Variants in RUSF1 observed in about 807,000 individuals in gnomAD.
The protein encoded by RUSF1 is RUS family member 1.
A neutral mutation model predicts 63.0 loss-of-function variants in RUSF1; 58 were observed. The ratio of observed to expected loss-of-function variants is 0.92; its 90% CI spans 0.75 to 1.15. RUSF1 has a LOEUF of 1.15. RUSF1 is among the 50% of genes most tolerant of loss of function. The probability of loss-of-function intolerance (pLI) is 0.00; values close to 1 mark genes in which losing one functional copy is unlikely to be tolerated. For missense variants in RUSF1, 652 were observed against 611.0 expected, an observed-to-expected ratio of 1.07 and a Z score of -0.71; for synonymous variants, 274 against 255.8, an observed-to-expected ratio of 1.07 and a Z score of -0.68.
intron 10 of RUSF1, 21 bp downstream of exon 10, chr16:31,492,957 G>C (rs747414450): frequency 6.3e-7 from 1 of 1,598,602 alleles, no homozygotes; most frequent in Non-Finnish European, 8.5e-7. Context: ...GTCTTAGGCT[G>C]GGAGAATGAG....
At position 31,496,842 on chromosome 16, in the gene RUSF1, C is replaced by A. The variant is rs766480376; in HGVS notation, c.702+7G>T. On this transcript the variant is annotated splice_region_variant and intron_variant, in intron 6 of 12. Transcript: ENST00000327237. Reference sequence around the variant, plus strand: ...CTCCACGCCCTCCCTCCAGCTCTGGCACTCACCTGGCTGCTGTCCTTGGCT... The same window carrying A: ...CTCCACGCCCTCCCTCCAGCTCTGGAACTCACCTGGCTGCTGTCCTTGGCT... The A allele has an allele frequency of 6.9e-5, 109 of 1,574,470 alleles. No homozygotes were observed. Among genetic ancestry groups the A allele is most frequent in the Admixed American group, 1.1e-4 (6 of 54,694 alleles).
chr16:31,508,335 G>T lies in RUSF1; in HGVS notation c.39C>A (p.Ser13=). ...GTGCCTCCCCGGAGCCGAACTGCTC[G>T]GAACACAGCGGGGTCTCCAAACCCG... ...DDAGLETPLC[S]EQFGSGEARG... Residue 13 remains serine, a synonymous_variant, in exon 1 of 13, where the codon TCC becomes TCA. Coordinates refer to ENST00000327237, the MANE Select transcript of RUSF1 (RefSeq NM_022744.4). 2 of 1,564,492 alleles carry T rather than the reference G, an allele frequency of 1.3e-6. No individual in the cohort carries two copies.
At chr16:31,495,724 T>C (rs895768758) in intron 6 of RUSF1, among the ~76,000 whole-genome samples, 2 of 151,974 alleles carry the variant, frequency 1.3e-5, no homozygotes, top group African/African-American at 4.8e-5. Context: ...CCGAGCATCC[T>C]GAGAGAAGGG....
Position 31,500,749 on chromosome 16 carries a change from C to T in RUSF1, c.416-18G>A, listed in dbSNP as rs888938389. The T allele has an allele frequency of 1.9e-6, 3 of 1,611,656 alleles. No individual in the cohort carries two copies. The highest frequency in any genetic ancestry group is 1.7e-5 in the Admixed American group (1 of 59,836). On this transcript the variant is annotated intron_variant, in intron 2 of 12. Transcript: ENST00000327237. The stretch of plus-strand genomic sequence containing the variant: ...AGTTGAATCTGGGGGAAAGAAGGCA[C>T]AGGTAAGGAGCAAGGAAGAGGTGTG...
intron 3 of RUSF1, 114 bp from the exon 4 acceptor site, chr16:31,499,639 C>T: frequency 1.0e-6 from 1 of 977,802 alleles, no homozygotes. Flanking sequence ...AAACCCACAC[C>T]CCCAGACAGA....
intron 12 of RUSF1, 70 bp downstream of exon 12, chr16:31,491,939 A>C (rs2082571517): frequency 1.3e-6 from 2 of 1,483,322 alleles, no homozygotes; most frequent in Non-Finnish European, 1.9e-6. Context: ...AAAGGGTGGG[A>C]GTGGGGGAAG....
At position 31,508,380 on chromosome 16, in the gene RUSF1, CT is replaced by C; in HGVS notation, c.-8del. On this transcript the variant is annotated 5_prime_UTR_variant, in exon 1 of 13. Coordinates refer to ENST00000327237, the MANE Select transcript of RUSF1 (RefSeq NM_022744.4). Reference sequence around the variant, plus strand: ...AACCCGCGTCGTCAGCCATGCCGAGCTTTTGGATCCCAGCCCCGCCCCTGCC... The same window carrying C: ...AACCCGCGTCGTCAGCCATGCCGAGCTTTGGATCCCAGCCCCGCCCCTGCC... The C allele has an allele frequency of 1.3e-6, 2 of 1,488,690 alleles. No homozygotes were observed. The highest frequency in any genetic ancestry group is 2.7e-5 in the Admixed American group (1 of 37,566). The allele number at this position is 1,488,690 out of a possible 1,614,324, so 92.2% of individuals were successfully genotyped here.
rs1869029033 is a variant in RUSF1, at chr16:31,490,732, G to A, written c.*103C>T. On this transcript the variant is annotated 3_prime_UTR_variant, in exon 13 of 13. Transcript: ENST00000327237. ...ATGAGGGCCTGGCCCACCCGCTGCAGTTGCCCTAAGGAAAAATAAAGCTGC... is the reference window on the plus strand; with the variant it reads ...ATGAGGGCCTGGCCCACCCGCTGCAATTGCCCTAAGGAAAAATAAAGCTGC... 1 of 1,361,264 alleles carries A rather than the reference G, an allele frequency of 7.3e-7. No homozygotes were observed. The highest frequency in any genetic ancestry group is 1.0e-6 in the Non-Finnish European group (1 of 958,344). The allele number at this position is 1,361,264 out of a possible 1,614,324, so 84.3% of individuals were successfully genotyped here.
intron 9 of RUSF1, 68 bp downstream of exon 9, chr16:31,493,399 A>T: frequency 6.6e-7 from 1 of 1,525,074 alleles, no homozygotes; most frequent in Admixed American, 2.0e-5. Flanking sequence ...CAGGGAGGCC[A>T]GTGTGTAATC....
At chr16:31,505,232 C>T (rs1471834679) in intron 2 of RUSF1, among the ~76,000 whole-genome samples, 2 of 152,156 alleles carry the variant, frequency 1.3e-5, no homozygotes, top group African/African-American at 2.4e-5. Context: ...CGTGCACATC[C>T]GGGCACAGTA....
rs377198189 is a variant in RUSF1 at position 31,490,812 on chromosome 16, G to A, written c.*23C>T. The A allele has an allele frequency of 6.2e-7, 1 of 1,612,750 alleles. No individual in the cohort carries two copies. The highest frequency in any genetic ancestry group is 8.5e-7 in the Non-Finnish European group (1 of 1,178,816). ...TCCTTGCTCCAGGTTCCTGCCCTGG[G>A]CTTGGGCCTCCGTCTGGGCTGCTCA... On this transcript the variant is annotated 3_prime_UTR_variant, in exon 13 of 13. Transcript: ENST00000327237.
At chr16:31,496,516 A>G (rs1393522312) in intron 6 of RUSF1, among the ~76,000 whole-genome samples, 2 of 152,172 alleles carry the variant, frequency 1.3e-5, no homozygotes, top group Non-Finnish European at 2.9e-5. Flanking sequence ...CCAGCCAGTG[A>G]CCCAGCAACC....
intron 10 of RUSF1, 113 bp from the exon 11 acceptor site, chr16:31,492,453 G>T: frequency 8.1e-7 from 1 of 1,232,182 alleles, no homozygotes; most frequent in Non-Finnish European, 1.1e-6. Context: ...GGCACGGAAG[G>T]CTAGCACCTC....
Position 31,508,121 on chromosome 16 carries a change from T to C in RUSF1, c.253A>G (p.Ser85Gly). ...AVFLPQGFPDSVSPDYLPYQL... is the reference protein window; with the variant it reads ...AVFLPQGFPDGVSPDYLPYQL... ...TAGGGCAAGTAGTCCGGGCTGACGC[T>C]ATCAGGGAAGCCCTGAGGCAGGAAC... Residue 85 changes from serine (S) to glycine (G), a missense_variant, in exon 1 of 13, where the codon AGC (serine) becomes GGC (glycine). Ser to Gly is a moderately conservative substitution (Grantham distance 56). Coordinates refer to ENST00000327237, the MANE Select transcript of RUSF1 (RefSeq NM_022744.4). 6.2e-7 allele frequency: 1 copy of C among 1,603,380 alleles called. No individual in the cohort carries two copies. Among genetic ancestry groups the C allele is most frequent in the Non-Finnish European group, 8.5e-7 (1 of 1,175,550 alleles).
intron 2 of RUSF1, among the ~76,000 whole-genome samples, chr16:31,507,272 G>C (rs1283117971): frequency 6.6e-6 from 1 of 152,096 alleles, no homozygotes; most frequent in Non-Finnish European, 1.5e-5. Context: ...TTTTTTAAAA[G>C]CTGTACATAT....
At chr16:31,499,621 G>C in intron 3 of RUSF1, 96 bp from the exon 4 acceptor site, 1 of 1,238,396 alleles carries the variant, frequency 8.1e-7, no homozygotes, top group Non-Finnish European at 1.1e-6. Context: ...AGTCTGAAGA[G>C]CTCAGGAAAA....
intron 5 of RUSF1, among the ~76,000 whole-genome samples, chr16:31,498,649 C>T (rs937733054): frequency 6.6e-6 from 1 of 152,190 alleles, no homozygotes; most frequent in Non-Finnish European, 1.5e-5. Context: ...AACAGCTTGG[C>T]GTGGAGGAAG....
At position 31,500,732 on chromosome 16, in the gene RUSF1, C is replaced by A; in HGVS notation, c.416-1G>T. ...ATGCGGCCCAGCATGCCAGTTGAAT[C>A]TGGGGGAAAGAAGGCACAGGTAAGG... On this transcript the variant is annotated splice_acceptor_variant, in intron 2 of 12. Coordinates refer to ENST00000327237, the MANE Select transcript of RUSF1 (RefSeq NM_022744.4). LOFTEE classifies it high-confidence loss of function. 17 of 1,612,330 alleles carry A rather than the reference C, an allele frequency of 1.1e-5. No individual in the cohort carries two copies. Among genetic ancestry groups the A allele is most frequent in the Non-Finnish European group, 1.4e-5 (17 of 1,178,752 alleles).
Position 31,490,382 on chromosome 16 carries a change from G to A in RUSF1, c.*453C>T, listed in dbSNP as rs972178516. The stretch of plus-strand genomic sequence containing the variant: ...TTTGTGGAATGAGCAGAGGTGGGGT[G>A]GGCAGTCCTCCGCCCCTTACCCAGG... On this transcript the variant is annotated 3_prime_UTR_variant, in exon 13 of 13. Coordinates refer to ENST00000327237, the MANE Select transcript of RUSF1 (RefSeq NM_022744.4). 6.2e-6 allele frequency: 10 copies of A among 1,613,218 alleles called. No individual in the cohort carries two copies. Among genetic ancestry groups the A allele is most frequent in the Non-Finnish European group, 6.8e-6 (8 of 1,179,724 alleles).
Sources: allele counts gnomAD v4.1 joint callset (sites outside exome capture counted in the v4.1 genomes callset), GRCh38; gene constraint gnomAD v4.1.1; transcripts MANE v1.5; gene names NCBI Gene and HGNC (gene_info 2026-07-23, HGNC 2026-07-21).